The following PBX1 variants were observed in gnomAD, a reference collection of about 807,000 sequenced individuals.
PBX1 encodes the protein pre-B-cell leukemia transcription factor 1.
Under a neutral mutation model 53.4 loss-of-function variants are expected in PBX1, and 6 were observed. That is an observed-to-expected ratio of 0.11 (90% CI 0.06 to 0.22). PBX1 has a LOEUF of 0.22. Ranked by LOEUF, PBX1 falls within the 10% of genes least tolerant of loss-of-function variation. PBX1 has a pLI of 1.00. For synonymous variants in PBX1, 204 were observed against 212.3 expected (o/e 0.96, Z 0.34); for missense variants, 251 against 551.4 (o/e 0.46, Z 5.46).
At chr1:164,694,705 C>A (rs1376806007) in intron 2 of PBX1, among the ~76,000 whole-genome samples, 2 of 152,220 alleles carry the variant, frequency 1.3e-5, no homozygotes, top group African/African-American at 4.8e-5. Flanking sequence ...TAACCTTTTT[C>A]TATGTCACCT....
At chr1:164,617,782 A>G (rs1207853594) in intron 2 of PBX1, among the ~76,000 whole-genome samples, 3 of 152,142 alleles carry the variant, frequency 2.0e-5, no homozygotes, top group Non-Finnish European at 4.4e-5. Context: ...CACATTGGGG[A>G]TCAGTTACAG....
intron 4 of PBX1, 90 bp from the exon 5 acceptor site, chr1:164,807,452 T>G (rs1050297388): frequency 6.7e-7 from 1 of 1,481,800 alleles, no homozygotes; most frequent in Admixed American, 2.2e-5. Flanking sequence ...CTCAAAAATT[T>G]GTCTTCTCCC....
At chr1:164,589,673 G>A (rs1366356028) in intron 2 of PBX1, among the ~76,000 whole-genome samples, 2 of 152,128 alleles carry the variant, frequency 1.3e-5, no homozygotes, top group African/African-American at 4.8e-5. Flanking sequence ...CCATCCCTGC[G>A]AGGTATTTAG....
intron 2 of PBX1, among the ~76,000 whole-genome samples, chr1:164,655,102 T>TG (rs781177195): frequency 3.2e-4 from 24 of 75,758 alleles, no homozygotes; most frequent in African/African-American, 1.6e-3. Context: ...TGATGTGTGT[T>TG]TTTTTTTTTT....
At chr1:164,705,265 A>G (rs1206567021) in intron 2 of PBX1, among the ~76,000 whole-genome samples, 1 of 152,234 alleles carries the variant, frequency 6.6e-6, no homozygotes, top group Admixed American at 6.5e-5. Context: ...TCATCTATAC[A>G]GTATTATAAT....
intron 8 of PBX1, among the ~76,000 whole-genome samples, chr1:164,827,975 TC>T (rs1393228875): frequency 6.6e-6 from 1 of 152,182 alleles, no homozygotes; most frequent in East Asian, 1.9e-4. Flanking sequence ...GGATTGAATT[TC>T]CTGTTCCTAG....
rs1006828672 is a variant in PBX1, at chr1:164,582,705, T to C, written c.265+19394T>C. ...CCCAAAGTGCTGGGAATTACAAGTGTGAGCCACCGTGCCCGGCCTCATAAT... is the reference window on the plus strand; with the variant it reads ...CCCAAAGTGCTGGGAATTACAAGTGCGAGCCACCGTGCCCGGCCTCATAAT... On this transcript the variant is annotated intron_variant, in intron 2 of 8. Coordinates refer to ENST00000420696, the MANE Select transcript of PBX1 (RefSeq NM_002585.4). 3.9e-5 allele frequency among the ~76,000 whole-genome samples: 6 copies of C among 152,284 alleles called. No individual in the cohort carries two copies. In the East Asian group the frequency reaches 1.2e-3, roughly 29 times the overall value.
chr1:164,592,537 C>T (rs1027945173), intron 2 of PBX1, among the ~76,000 whole-genome samples: 11 of 152,218 alleles, frequency 7.2e-5, no homozygotes, highest in African/African-American at 2.7e-4. Flanking sequence ...TGAGAAGCAG[C>T]AGTGTCTGAG....
At chr1:164,584,778 A>AGG (rs775057809) in intron 2 of PBX1, among the ~76,000 whole-genome samples, 21 of 152,198 alleles carry the variant, frequency 1.4e-4, no homozygotes, top group South Asian at 8.3e-4. Context: ...GGCGGAGGTG[A>AGG]GGGGGCAGCT....
intron 8 of PBX1, among the ~76,000 whole-genome samples, chr1:164,840,181 A>T (rs1290059469): frequency 2.0e-5 from 3 of 152,192 alleles, no homozygotes. Context: ...CTATATGAAG[A>T]CACTGATGCA....
chr1:164,782,489 C>T (rs1345244564), intron 2 of PBX1, among the ~76,000 whole-genome samples: 4 of 152,152 alleles, frequency 2.6e-5, no homozygotes, highest in Admixed American at 1.3e-4. Context: ...TCATGGATCG[C>T]GTTAAGACTA....
chr1:164,793,352 A>G (rs76121512), intron 3 of PBX1, among the ~76,000 whole-genome samples: 2,686 of 152,122 alleles, frequency 0.018, 71 homozygotes, highest in African/African-American at 0.061. Context: ...GGTTCAGGAG[A>G]CCCCTGGAGC....
intron 2 of PBX1, among the ~76,000 whole-genome samples, chr1:164,629,158 A>G (rs1489495595): frequency 1.3e-5 from 2 of 152,060 alleles, no homozygotes; most frequent in Non-Finnish European, 2.9e-5. Flanking sequence ...CTGTCTCTAC[A>G]TTAATATTGG....
chr1:164,811,363 T>A (rs1321294456), intron 5 of PBX1, among the ~76,000 whole-genome samples: 1 of 152,218 alleles, frequency 6.6e-6, no homozygotes, highest in Non-Finnish European at 1.5e-5. Flanking sequence ...AACCCTAGAA[T>A]TCAAGGGGAT....
At chr1:164,755,831 C>G (rs1057034567) in intron 2 of PBX1, among the ~76,000 whole-genome samples, 1 of 152,000 alleles carries the variant, frequency 6.6e-6, no homozygotes, top group East Asian at 1.9e-4. Flanking sequence ...TATTATTACC[C>G]CCAGGGCGCC....
chr1:164,666,606 T>C (rs1322375691), intron 2 of PBX1, among the ~76,000 whole-genome samples: 2 of 152,116 alleles, frequency 1.3e-5, no homozygotes, highest in African/African-American at 2.4e-5. Context: ...ATTTTAGTAA[T>C]GGAAATGTCC....
rs1424703165 is a variant in PBX1, at chr1:164,594,491, C to G, written c.265+31180C>G. On this transcript the variant is annotated intron_variant, in intron 2 of 8. Coordinates refer to ENST00000420696, the MANE Select transcript of PBX1 (RefSeq NM_002585.4). ...GGAGACGGGGTTTCGCCGTGTTGGCCAGGCTGGTCTCGAACTCCTGACATG... is the reference window on the plus strand; with the variant it reads ...GGAGACGGGGTTTCGCCGTGTTGGCGAGGCTGGTCTCGAACTCCTGACATG... Among the ~76,000 whole-genome samples, 3 of 152,068 alleles carry G rather than the reference C, an allele frequency of 2.0e-5. 1 individual carries two copies. Among genetic ancestry groups the G allele is most frequent in the Admixed American group, 1.3e-4 (2 of 15,272 alleles).
chr1:164,651,407 G>A (rs777360546), intron 2 of PBX1, among the ~76,000 whole-genome samples: 3 of 151,984 alleles, frequency 2.0e-5, no homozygotes, highest in East Asian at 1.9e-4. Flanking sequence ...ATTTCATCTC[G>A]CGTGGTGGCT....
At chr1:164,759,205 C>A (rs1666682112) in intron 2 of PBX1, among the ~76,000 whole-genome samples, 2 of 152,164 alleles carry the variant, frequency 1.3e-5, no homozygotes, top group East Asian at 3.8e-4. Flanking sequence ...AGTACCTTAA[C>A]AATCTTTTTG....
Sources: gnomAD v4.1 joint callset for allele counts (sites outside exome capture counted in the v4.1 genomes callset) on GRCh38, gnomAD v4.1.1 for gene constraint, MANE v1.5 for transcripts, NCBI Gene and HGNC (gene_info 2026-07-23, HGNC 2026-07-21) for gene names.